Variants in PCDH7 observed in about 807,000 individuals in gnomAD.
PCDH7 encodes the protein protocadherin 7, also known as protocadherin-7.
PCDH7 carries 17 observed loss-of-function variants against 58.9 expected under a neutral mutation model. The ratio of observed to expected loss-of-function variants is 0.29; its 90% CI spans 0.20 to 0.43. The LOEUF is 0.43. Ranked by LOEUF, PCDH7 falls within the 20% of genes least tolerant of loss-of-function variation. The pLI is 1.00. For missense variants in PCDH7, 1,274 were observed against 1,441.0 expected, an observed-to-expected ratio of 0.88 and a Z score of 1.88; for synonymous variants, 664 against 616.4, an observed-to-expected ratio of 1.08 and a Z score of -1.14.
intron 1 of PCDH7, among the ~76,000 whole-genome samples, chr4:30,900,485 A>G (rs571782000): frequency 6.4e-4 from 98 of 152,278 alleles, no homozygotes; most frequent in African/African-American, 2.2e-3. Context: ...CTTATGAAAG[A>G]TTTTCTTAAA....
intron 1 of PCDH7, among the ~76,000 whole-genome samples, chr4:30,754,382 C>A (rs1034305481): frequency 6.6e-6 from 1 of 152,240 alleles, no homozygotes; most frequent in Admixed American, 6.5e-5. Context: ...AGAAGTGTAT[C>A]ACTTTATTAT....
intron 1 of PCDH7, among the ~76,000 whole-genome samples, chr4:30,881,218 C>G (rs1166604706): frequency 6.6e-6 from 1 of 151,902 alleles, no homozygotes; most frequent in Non-Finnish European, 1.5e-5. Flanking sequence ...ACCACAGAGA[C>G]AAGGAGTAGG....
chr4:31,125,022 G>C (rs1271047753), intron 3 of PCDH7, among the ~76,000 whole-genome samples: 1 of 152,116 alleles, frequency 6.6e-6, no homozygotes, highest in African/African-American at 2.4e-5. Flanking sequence ...TAAATGAGTG[G>C]TCTTCTTGCC....
At chr4:31,077,080 T>C (rs1481883857) in intron 3 of PCDH7, among the ~76,000 whole-genome samples, 1 of 152,182 alleles carries the variant, frequency 6.6e-6, no homozygotes, top group Non-Finnish European at 1.5e-5. Flanking sequence ...CATATATGTA[T>C]ATACATACAC....
At chr4:30,947,868 C>A (rs576566878) in intron 2 of PCDH7, among the ~76,000 whole-genome samples, 1 of 152,196 alleles carries the variant, frequency 6.6e-6, no homozygotes, top group Non-Finnish European at 1.5e-5. Flanking sequence ...CTCTGCCTAC[C>A]CTTCCCAACC....
intron 3 of PCDH7, among the ~76,000 whole-genome samples, chr4:31,117,457 GAATTCAGAGACATAGTTAATATT>G (rs1717139907): frequency 7.1e-6 from 1 of 140,846 alleles, no homozygotes; most frequent in Non-Finnish European, 1.5e-5. Context: ...AGAAATATTA[GAATTCAGAGACATAGTTAATATT>G]TTAGAATTCA....
intron 3 of PCDH7, among the ~76,000 whole-genome samples, chr4:31,014,363 T>A (rs1403111799): frequency 1.3e-5 from 2 of 152,194 alleles, no homozygotes; most frequent in African/African-American, 2.4e-5. Context: ...CTTATACCCA[T>A]GTATTTTGAA....
rs201221516 is a variant in PCDH7, at chr4:31,068,026, T to G, written c.*8-74447T>G. Among the ~76,000 whole-genome samples, 14 of 152,130 alleles carry G rather than the reference T, an allele frequency of 9.2e-5. No individual in the cohort carries two copies. In the East Asian group the frequency reaches 2.7e-3, roughly 29 times the overall value. ...GCATAGTTCCATCTCTCCATGAGCT[T>G]ATAGTTTAATGCAGTCCATACATAA... On this transcript the variant is annotated intron_variant, in intron 3 of 3. Transcript: ENST00000509759.
chr4:31,137,267 T>G (rs1413103197), intron 3 of PCDH7, among the ~76,000 whole-genome samples: 1 of 152,216 alleles, frequency 6.6e-6, no homozygotes, highest in Non-Finnish European at 1.5e-5. Flanking sequence ...TTTGTGTTGT[T>G]TTGTTATTTT....
intron 3 of PCDH7, among the ~76,000 whole-genome samples, chr4:31,051,085 C>G (rs1756696817): frequency 6.6e-6 from 1 of 152,086 alleles, no homozygotes; most frequent in African/African-American, 2.4e-5. Context: ...TTTATTGGAC[C>G]TGCCTTGGTA....
exon 4 of PCDH7, chr4:31,142,587 A>C (rs1560264815): frequency 7.3e-7 from 1 of 1,367,802 alleles, no homozygotes. Context: ...GAGAGGAAGA[A>C]GAGCCAGCCT....
At chr4:30,746,214 T>C (rs1347439693) in intron 1 of PCDH7, among the ~76,000 whole-genome samples, 1 of 152,232 alleles carries the variant, frequency 6.6e-6, no homozygotes, top group Non-Finnish European at 1.5e-5. Flanking sequence ...CTGAATACTT[T>C]AAAATTATAT....
At chr4:31,096,939 A>AT (rs1354554893) in intron 3 of PCDH7, among the ~76,000 whole-genome samples, 1 of 151,046 alleles carries the variant, frequency 6.6e-6, no homozygotes, top group African/African-American at 2.4e-5. Flanking sequence ...TGTGAATAAG[A>AT]TTTTCTGTCA....
intron 1 of PCDH7, among the ~76,000 whole-genome samples, chr4:30,772,977 C>T (rs1307803338): frequency 6.6e-6 from 1 of 152,162 alleles, no homozygotes; most frequent in Non-Finnish European, 1.5e-5. Context: ...TCTCGGCTCA[C>T]TGCAACCTCT....
exon 2 of PCDH7, chr4:30,731,330 T>C (rs2109237924): frequency 6.0e-6 from 1 of 166,564 alleles, no homozygotes; most frequent in African/African-American, 2.5e-5. Context: ...TGTGTTTGTG[T>C]GTGTTTCCAT....
intron 3 of PCDH7, among the ~76,000 whole-genome samples, chr4:31,061,700 GATTTT>G (rs1238197821): frequency 2.6e-5 from 4 of 151,786 alleles, no homozygotes; most frequent in Admixed American, 2.0e-4. Context: ...CAGAATTAGA[GATTTT>G]ATTTTCTCCT....
rs189391376 is a variant in PCDH7, at chr4:30,846,327, A to G, written c.71-73826A>G. Among the ~76,000 whole-genome samples the G allele has an allele frequency of 7.2e-5, 11 of 152,152 alleles. No homozygotes were observed. The East Asian group carries it at 2.1e-3, about 29-fold the overall frequency. Reference sequence around the variant, plus strand: ...AGGAGGCAGTGGATTAGTTATTAGAATAGTGGATTTCTGATAAAAGGATGA... The same window carrying G: ...AGGAGGCAGTGGATTAGTTATTAGAGTAGTGGATTTCTGATAAAAGGATGA... On this transcript the variant is annotated intron_variant, in intron 1 of 3. Coordinates refer to the PCDH7 transcript ENST00000509759.
At chr4:30,971,332 C>T (rs1479572818) in intron 3 of PCDH7, among the ~76,000 whole-genome samples, 5 of 152,194 alleles carry the variant, frequency 3.3e-5, no homozygotes, top group Non-Finnish European at 7.3e-5. Flanking sequence ...GCTCCAATTA[C>T]TCTGCAAATT....
intron 3 of PCDH7, among the ~76,000 whole-genome samples, chr4:31,051,387 C>G (rs6448740): frequency 0.6 from 90,575 of 151,986 alleles, 28,244 homozygotes; most frequent in African/African-American, 0.78. Flanking sequence ...ATGAATGAAT[C>G]ATACACACCA....
Sources: gnomAD v4.1 joint callset for allele counts (sites outside exome capture counted in the v4.1 genomes callset) on GRCh38, gnomAD v4.1.1 for gene constraint, MANE v1.5 for transcripts, NCBI Gene and HGNC (gene_info 2026-07-23, HGNC 2026-07-21) for gene names.